MERTK: variants seen among roughly 807,000 people sequenced by gnomAD.
The protein encoded by MERTK is MER proto-oncogene, tyrosine kinase.
Under a neutral mutation model 99.3 loss-of-function variants are expected in MERTK, and 69 were observed. The observed-to-expected ratio is 0.70, with a 90% CI of 0.57 to 0.85. The LOEUF (loss-of-function observed/expected upper bound fraction) is 0.85. Ranked by LOEUF, MERTK falls within the 40% of genes least tolerant of loss-of-function variation. The pLI, the probability that MERTK is intolerant of heterozygous loss-of-function variation, is 0.00. For synonymous variants in MERTK, 426 were observed against 467.6 expected (o/e 0.91, Z 1.15); for missense variants, 1,125 against 1,249.4 (o/e 0.90, Z 1.50).
chr2:111,998,641 C>T (rs2104403037), intron 10 of MERTK, among the ~76,000 whole-genome samples: 1 of 152,216 alleles, frequency 6.6e-6, no homozygotes, highest in Non-Finnish European at 1.5e-5. Flanking sequence ...GTGGCTGACA[C>T]CAGAGCTAAG....
Position 112,001,377 on chromosome 2 carries a change from G to A in MERTK, c.1690+91G>A, listed in dbSNP as rs1573632141. 5.8e-6 allele frequency: 6 copies of A among 1,028,416 alleles called. No individual in the cohort carries two copies. The East Asian group carries it at 7.2e-5, about 12-fold the overall frequency. The allele number at this position is 1,028,416 out of a possible 1,614,324, so 63.7% of individuals were successfully genotyped here. A position where few individuals can be genotyped will look rare whatever the true frequency, so the allele number is the denominator to read the frequency against. On this transcript the variant is annotated intron_variant, in intron 11 of 18. Transcript: ENST00000295408. ...AGACAGATTTCTAACAAAAGCCAAA[G>A]ATGTCGAAGAAGAATGGATATTTTT...
chr2:111,935,637 TCGTGTGTGTGTG>T (rs1684750530), intron 2 of MERTK, among the ~76,000 whole-genome samples: 1 of 122,994 alleles, frequency 8.1e-6, no homozygotes, highest in South Asian at 3.0e-4. Flanking sequence ...TGGTCTTGGC[TCGTGTGTGTGTG>T]TGTGTGTGTG....
chr2:111,973,890 G>GAA (rs1450627132), intron 6 of MERTK, among the ~76,000 whole-genome samples: 165 of 151,430 alleles, frequency 1.1e-3, no homozygotes, highest in Non-Finnish European at 1.8e-3. Flanking sequence ...TGGAGAGACT[G>GAA]GTGGAGTTAT....
At chr2:111,901,531 G>A (rs1684042194) in intron 1 of MERTK, among the ~76,000 whole-genome samples, 1 of 151,096 alleles carries the variant, frequency 6.6e-6, no homozygotes, top group Non-Finnish European at 1.5e-5. Context: ...TTAAAGTGCT[G>A]AGTGGAATTC....
chr2:111,910,610 G>GTGTGTGTGTGTGTATATATATA (rs370882764), intron 1 of MERTK, among the ~76,000 whole-genome samples: 23 of 143,662 alleles, frequency 1.6e-4, no homozygotes, highest in African/African-American at 5.7e-4. Context: ...GTGTGTGTGT[G>GTGTGTGTGTGTGTATATATATA]TATATATATA....
At chr2:112,025,307 C>T (rs910564133) in intron 18 of MERTK, among the ~76,000 whole-genome samples, 1 of 152,180 alleles carries the variant, frequency 6.6e-6, no homozygotes, top group Non-Finnish European at 1.5e-5. Context: ...TCAGGGGCTC[C>T]TCTCCGGGAC....
At chr2:111,951,876 T>C (rs1456104496) in intron 4 of MERTK, among the ~76,000 whole-genome samples, 1 of 152,152 alleles carries the variant, frequency 6.6e-6, no homozygotes, top group Non-Finnish European at 1.5e-5. Context: ...TCCCAATTAT[T>C]TACTATTAGT....
rs1405589752 is a variant in MERTK at position 111,910,619 on chromosome 2, T to TATAC, written c.61+11826_61+11827insCATA. 3.3e-5 allele frequency among the ~76,000 whole-genome samples: 5 copies of TATAC among 151,566 alleles called. 1 individual carries two copies. The highest frequency in any genetic ancestry group is 3.3e-4 in the Admixed American group (5 of 15,206). ...GTGTGTGTGTGTGTGTGTATATATA[T>TATAC]ATATATATACAAATGGAATACTATT... On this transcript the variant is annotated intron_variant, in intron 1 of 18. Transcript: ENST00000295408.
At position 111,975,293 on chromosome 2, in the gene MERTK, A is replaced by G; in HGVS notation, c.965A>G (p.Lys322Arg). 1 of 1,614,224 alleles carries G rather than the reference A, an allele frequency of 6.2e-7. No individual in the cohort carries two copies. Among genetic ancestry groups the G allele is most frequent in the Non-Finnish European group, 8.5e-7 (1 of 1,180,034 alleles). ...TCATGTTTACTCTTCGTTTAGGTCA[A>G]GGAAGCTGATCCGCTGAGTAATGGC... ...SPFRNCSIQV[K>R]EADPLSNGSV... is the part of the protein sequence containing the mutation. The change falls in exon 7 of 19, where the codon AAG becomes AGG. Residue 322 changes from lysine to arginine, a missense_variant. Physicochemically the swap from Lys to Arg is conservative, Grantham distance 26 (BLOSUM62 2). Transcript: ENST00000295408.
At chr2:111,995,572 G>A (rs1339273605) in intron 9 of MERTK, 1 of 188,390 alleles carries the variant, frequency 5.3e-6, no homozygotes, top group Non-Finnish European at 1.1e-5. Flanking sequence ...TTACGTTCTT[G>A]CAGCACATAG....
intron 8 of MERTK, among the ~76,000 whole-genome samples, chr2:111,987,943 A>G (rs1308841266): frequency 6.6e-6 from 1 of 151,680 alleles, no homozygotes; most frequent in Non-Finnish European, 1.5e-5. Context: ...GAAGTCTCAT[A>G]GCAGAGATTA....
chr2:111,983,422 A>G (rs1676411513), intron 8 of MERTK, among the ~76,000 whole-genome samples: 1 of 152,224 alleles, frequency 6.6e-6, no homozygotes, highest in Non-Finnish European at 1.5e-5. Context: ...AAAGAAGAAG[A>G]TAAGGGAATA....
intron 4 of MERTK, among the ~76,000 whole-genome samples, chr2:111,956,947 C>CT (rs71385850): frequency 0.25 from 34,351 of 137,058 alleles, 4,333 homozygotes; most frequent in Middle Eastern, 0.37. Context: ...TTTCTTTTTT[C>CT]TTTTTTTTTT....
At chr2:112,020,122 A>AT (rs768487156) in intron 16 of MERTK, among the ~76,000 whole-genome samples, 1 of 152,126 alleles carries the variant, frequency 6.6e-6, no homozygotes, top group Non-Finnish European at 1.5e-5. Flanking sequence ...CCTTCAATGT[A>AT]TTTTGTCATT....
At chr2:111,938,544 G>A (rs1220359843) in intron 2 of MERTK, among the ~76,000 whole-genome samples, 1 of 152,232 alleles carries the variant, frequency 6.6e-6, no homozygotes, top group East Asian at 1.9e-4. Context: ...CATGCTGTGT[G>A]TGTATAAGAT....
chr2:111,903,814 G>T (rs542490680), intron 1 of MERTK, among the ~76,000 whole-genome samples: 1 of 152,292 alleles, frequency 6.6e-6, no homozygotes, highest in South Asian at 2.1e-4. Flanking sequence ...TTGTTAGGAG[G>T]ACGTAATGAG....
At chr2:111,928,329 G>A (rs1198762460) in intron 1 of MERTK, among the ~76,000 whole-genome samples, 9 of 141,860 alleles carry the variant, frequency 6.3e-5, no homozygotes, top group East Asian at 2.1e-4. Context: ...GGGCTCAAGC[G>A]ATCCTCCTTC....
At chr2:111,964,677 C>T (rs1228336439) in intron 4 of MERTK, among the ~76,000 whole-genome samples, 5 of 152,090 alleles carry the variant, frequency 3.3e-5, no homozygotes, top group African/African-American at 4.8e-5. Flanking sequence ...TTAGTTATAA[C>T]GCCTTGCATT....
chr2:111,968,773 C>A (rs1676007826), intron 6 of MERTK, among the ~76,000 whole-genome samples: 1 of 152,100 alleles, frequency 6.6e-6, no homozygotes, highest in Non-Finnish European at 1.5e-5. Flanking sequence ...AAGTGATCCG[C>A]CCGCCTCGGC....
Sources: allele counts gnomAD v4.1 joint callset (sites outside exome capture counted in the v4.1 genomes callset), GRCh38; gene constraint gnomAD v4.1.1; transcripts MANE v1.5; gene names NCBI Gene and HGNC (gene_info 2026-07-23, HGNC 2026-07-21).